The following DHRSX variants were observed in gnomAD, a reference collection of about 807,000 sequenced individuals.
DHRSX encodes dehydrogenase/reductase X-linked, also known as polyprenol dehydrogenase.
In DHRSX, 31 loss-of-function variants were observed where a neutral mutation model predicts 34.0. That is an observed-to-expected ratio of 0.91 (90% CI 0.69 to 1.23). DHRSX has a LOEUF of 1.23. Among genes scored for constraint, DHRSX ranks in the 50% most tolerant of loss-of-function variants. The pLI is 0.00. For missense variants in DHRSX, 414 were observed against 428.1 expected, an observed-to-expected ratio of 0.97 and a Z score of 0.29; for synonymous variants, 201 against 183.8, an observed-to-expected ratio of 1.09 and a Z score of -0.76.
At chrX:2,251,680 G>T (rs779249822) in intron 5 of DHRSX, among the ~76,000 whole-genome samples, 1 of 152,270 alleles carries the variant, frequency 6.6e-6, no homozygotes, top group Admixed American at 6.5e-5. Context: ...AAATGGCCTT[G>T]CTGAGGAAAT....
chrX:2,233,026 G>A (rs1382643348), intron 6 of DHRSX, among the ~76,000 whole-genome samples: 2 of 152,150 alleles, frequency 1.3e-5, no homozygotes, highest in African/African-American at 4.8e-5. Flanking sequence ...TACTAGCTAA[G>A]AATGGTTTTA....
chrX:2,457,411 G>C, intron 1 of DHRSX, among the ~76,000 whole-genome samples: 1 of 150,750 alleles, frequency 6.6e-6, no homozygotes, highest in Non-Finnish European at 1.5e-5. Flanking sequence ...CCTCTGCTGT[G>C]TGCACACTGA....
intron 3 of DHRSX, among the ~76,000 whole-genome samples, chrX:2,345,952 A>G (rs1028736514): frequency 8.5e-5 from 13 of 152,116 alleles, no homozygotes; most frequent in African/African-American, 2.9e-4. Flanking sequence ...TACACACATC[A>G]TATTGGTTCT....
At chrX:2,436,795 C>T (rs1569501119) in intron 1 of DHRSX, among the ~76,000 whole-genome samples, 1 of 151,716 alleles carries the variant, frequency 6.6e-6, no homozygotes, top group Non-Finnish European at 1.5e-5. Context: ...CCATGCCCCA[C>T]TAATTTATTT....
At chrX:2,468,161 C>G (rs372298772) in intron 1 of DHRSX, among the ~76,000 whole-genome samples, 1 of 151,986 alleles carries the variant, frequency 6.6e-6, no homozygotes, top group Non-Finnish European at 1.5e-5. Flanking sequence ...TCCAGAAATC[C>G]GAAGATTCAG....
chrX:2,383,417 TCAC>T (rs988322774), intron 3 of DHRSX, among the ~76,000 whole-genome samples: 7 of 151,894 alleles, frequency 4.6e-5, no homozygotes, highest in Admixed American at 2.6e-4. Context: ...ATCATCATCA[TCAC>T]CATCATCACA....
chrX:2,350,773 T>C (rs1322586913), intron 3 of DHRSX, among the ~76,000 whole-genome samples: 1 of 152,170 alleles, frequency 6.6e-6, no homozygotes, highest in Non-Finnish European at 1.5e-5. Context: ...AATAAAAATT[T>C]CAACACGTAT....
At chrX:2,240,899 G>C (rs2016126316) in intron 6 of DHRSX, among the ~76,000 whole-genome samples, 1 of 152,098 alleles carries the variant, frequency 6.6e-6, no homozygotes, top group Non-Finnish European at 1.5e-5. Flanking sequence ...ACCTCAAGGA[G>C]GACAGGCACG....
chrX:2,311,103 A>C lies in DHRSX; in HGVS notation c.287-19500T>G, dbSNP rs1602920123. ...AGAGACAGAAGGAGAGAGACACAGAAACTGAGAGACAGAGAGAATAAGCGA... is the reference window on the plus strand; with the variant it reads ...AGAGACAGAAGGAGAGAGACACAGACACTGAGAGACAGAGAGAATAAGCGA... On this transcript the variant is annotated intron_variant, in intron 3 of 6. Coordinates refer to ENST00000334651, the MANE Select transcript of DHRSX (RefSeq NM_145177.3). 3.3e-5 allele frequency among the ~76,000 whole-genome samples: 5 copies of C among 151,188 alleles called. No individual in the cohort carries two copies. The South Asian group carries it at 1.0e-3, about 32-fold the overall frequency.
At chrX:2,293,325 A>T (rs890229482) in intron 3 of DHRSX, among the ~76,000 whole-genome samples, 2 of 151,060 alleles carry the variant, frequency 1.3e-5, no homozygotes, top group African/African-American at 4.9e-5. Context: ...GCAAATTCAC[A>T]GGTATATAAT....
intron 5 of DHRSX, chrX:2,261,561 CAGG>C (rs1430378690): frequency 6.6e-6 from 1 of 152,092 alleles, no homozygotes; most frequent in Non-Finnish European, 1.5e-5. Flanking sequence ...TACCTGAGGT[CAGG>C]AGTTCGAGAC....
chrX:2,437,186 A>C (rs1338765278), intron 1 of DHRSX, among the ~76,000 whole-genome samples: 1 of 152,008 alleles, frequency 6.6e-6, no homozygotes, highest in Non-Finnish European at 1.5e-5. Flanking sequence ...TCTTTAGTAG[A>C]GATGGAGTTT....
At chrX:2,283,525 C>A (rs770825651) in intron 4 of DHRSX, among the ~76,000 whole-genome samples, 1 of 152,276 alleles carries the variant, frequency 6.6e-6, no homozygotes, top group Non-Finnish European at 1.5e-5. Flanking sequence ...GCCCGAGTCA[C>A]ATAGAAAATG....
intron 1 of DHRSX, among the ~76,000 whole-genome samples, chrX:2,462,874 T>G (rs780781093): frequency 6.6e-6 from 1 of 152,260 alleles, no homozygotes; most frequent in Non-Finnish European, 1.5e-5. Context: ...TCTGAAAGTT[T>G]GTGTTCCTCC....
At chrX:2,349,522 C>T (rs184518094) in intron 3 of DHRSX, among the ~76,000 whole-genome samples, 1 of 151,600 alleles carries the variant, frequency 6.6e-6, no homozygotes, top group Non-Finnish European at 1.5e-5. Context: ...CCCGTGTCCA[C>T]TAAGAAGTAC....
intron 1 of DHRSX, among the ~76,000 whole-genome samples, chrX:2,438,876 G>A (rs1350775746): frequency 6.6e-6 from 1 of 152,004 alleles, no homozygotes; most frequent in African/African-American, 2.4e-5. Context: ...GCCAGTTGTG[G>A]TGGCTCACAC....
intron 1 of DHRSX, among the ~76,000 whole-genome samples, chrX:2,451,179 G>A (rs752131209): frequency 6.6e-6 from 1 of 151,276 alleles, no homozygotes; most frequent in Non-Finnish European, 1.5e-5. Context: ...GGTGCAGTGA[G>A]CTGAGATCAC....
intron 1 of DHRSX, among the ~76,000 whole-genome samples, chrX:2,458,108 G>C (rs5982952): frequency 0.23 from 34,806 of 151,658 alleles, 4,452 homozygotes; most frequent in African/African-American, 0.32. Context: ...GAAGACATTC[G>C]GGAAGAATGT....
intron 1 of DHRSX, among the ~76,000 whole-genome samples, chrX:2,430,547 C>T (rs6655053): frequency 0.23 from 34,724 of 151,932 alleles, 5,907 homozygotes; most frequent in African/African-American, 0.48. Flanking sequence ...ACTGGCTGGA[C>T]GCTCCTTCTA....
Sources: allele counts gnomAD v4.1 joint callset (sites outside exome capture counted in the v4.1 genomes callset), GRCh38; gene constraint gnomAD v4.1.1; transcripts MANE v1.5; gene names NCBI Gene and HGNC (gene_info 2026-07-23, HGNC 2026-07-21).